Variants in FAR2 observed in about 807,000 individuals in gnomAD.
FAR2 encodes the protein fatty acyl-CoA reductase 2.
In FAR2, 19 loss-of-function variants were observed where a neutral mutation model predicts 56.0. The ratio of observed to expected loss-of-function variants is 0.34; its 90% confidence interval spans 0.24 to 0.50. The LOEUF is 0.50. FAR2 is among the 20% of genes least tolerant of loss of function. The pLI is 0.98. For missense variants in FAR2, 508 were observed against 642.2 expected (o/e 0.79, Z 2.26); for synonymous variants, 219 against 218.8 (o/e 1.00, Z -0.01).
At chr12:29,333,121 C>T (rs1404859098) in intron 11 of FAR2, 3 of 331,634 alleles carry the variant, frequency 9.0e-6, no homozygotes, top group African/African-American at 6.5e-5. Context: ...AGTCACTCCT[C>T]AATTTTTTCA....
chr12:29,166,891 T>C (rs1230667030), intron 1 of FAR2, among the ~76,000 whole-genome samples: 1 of 152,198 alleles, frequency 6.6e-6, no homozygotes, highest in African/African-American at 2.4e-5. Context: ...CCACGATCCC[T>C]GCCCCTGATA....
chr12:29,165,223 T>G (rs886212179), intron 1 of FAR2, among the ~76,000 whole-genome samples: 4 of 152,202 alleles, frequency 2.6e-5, no homozygotes, highest in African/African-American at 9.7e-5. Flanking sequence ...ACCATTCAAG[T>G]TTGCAATAGT....
At chr12:29,253,285 CTATATCTATCTAGATAGATATCTA>C (rs1443663050) in intron 1 of FAR2, among the ~76,000 whole-genome samples, 327 of 76,994 alleles carry the variant, frequency 4.2e-3, no homozygotes, top group Middle Eastern at 0.01. Context: ...ATATCGATAT[CTATATCTATCTAGATAGATATCTA>C]TATATCTATA....
At chr12:29,212,564 C>T (rs948504315) in intron 1 of FAR2, among the ~76,000 whole-genome samples, 1 of 151,956 alleles carries the variant, frequency 6.6e-6, no homozygotes, top group Non-Finnish European at 1.5e-5. Flanking sequence ...TATAGATGAC[C>T]CCCAAATTTG....
chr12:29,247,565 T>G (rs1463959003), intron 1 of FAR2, among the ~76,000 whole-genome samples: 1 of 152,206 alleles, frequency 6.6e-6, no homozygotes, highest in Non-Finnish European at 1.5e-5. Context: ...CTTCACACAT[T>G]TAAACTATTT....
At chr12:29,228,141 GAA>G (rs58453804) in intron 1 of FAR2, among the ~76,000 whole-genome samples, 22 of 138,122 alleles carry the variant, frequency 1.6e-4, no homozygotes, top group South Asian at 1.1e-3. Flanking sequence ...TAAAAAAAAG[GAA>G]AAAAAAAAAA....
chr12:29,307,628 T>C, intron 4 of FAR2, 30 bp from the exon 5 acceptor site: 1 of 1,569,148 alleles, frequency 6.4e-7, no homozygotes, highest in Non-Finnish European at 8.6e-7. Flanking sequence ...TAACATATGT[T>C]ACTAGAATTC....
At chr12:29,262,188 A>G (rs1411918952) in intron 1 of FAR2, among the ~76,000 whole-genome samples, 3 of 151,384 alleles carry the variant, frequency 2.0e-5, no homozygotes, top group African/African-American at 4.8e-5. Flanking sequence ...TAGAGTTTTT[A>G]TTAGTTTTCT....
intron 1 of FAR2, among the ~76,000 whole-genome samples, chr12:29,198,057 A>G (rs1950156698): frequency 6.6e-6 from 1 of 152,206 alleles, no homozygotes; most frequent in South Asian, 2.1e-4. Context: ...CTTTATTTAT[A>G]GCTGCGAACA....
intron 1 of FAR2, among the ~76,000 whole-genome samples, chr12:29,183,247 T>C (rs1256966644): frequency 1.3e-5 from 2 of 152,180 alleles, no homozygotes; most frequent in Non-Finnish European, 2.9e-5. Flanking sequence ...ATCCTGACAA[T>C]TCACTCTTTT....
intron 1 of FAR2, among the ~76,000 whole-genome samples, chr12:29,264,664 A>G (rs2350314): frequency 3.9e-5 from 2 of 50,964 alleles, no homozygotes; most frequent in East Asian, 5.0e-4. Flanking sequence ...AATAAAGGAG[A>G]GAGAGAGAGA....
chr12:29,191,372 C>T (rs1950101730), intron 1 of FAR2, among the ~76,000 whole-genome samples: 1 of 152,182 alleles, frequency 6.6e-6, no homozygotes, highest in African/African-American at 2.4e-5. Context: ...GGTGATTCTC[C>T]ATAAAAGTGT....
intron 6 of FAR2, among the ~76,000 whole-genome samples, chr12:29,310,426 A>G (rs6487808): frequency 0.3 from 45,682 of 152,044 alleles, 6,978 homozygotes; most frequent in East Asian, 0.35. Context: ...TCTTGCATCT[A>G]TATAACATCA....
chr12:29,319,905 TAAG>T (rs1412583449), intron 9 of FAR2, among the ~76,000 whole-genome samples: 2 of 152,206 alleles, frequency 1.3e-5, no homozygotes, highest in African/African-American at 4.8e-5. Context: ...TTTTGGGTAT[TAAG>T]AAGACCTTCT....
intron 1 of FAR2, among the ~76,000 whole-genome samples, chr12:29,267,633 G>C (rs1032359805): frequency 6.6e-6 from 1 of 152,142 alleles, no homozygotes; most frequent in Non-Finnish European, 1.5e-5. Context: ...CTAAATTCTT[G>C]AGGAAGTCAC....
chr12:29,314,092 C>A (rs1164943391), intron 8 of FAR2, among the ~76,000 whole-genome samples: 1 of 152,074 alleles, frequency 6.6e-6, no homozygotes, highest in African/African-American at 2.4e-5. Flanking sequence ...TTAAATTCTT[C>A]TTTGACCTAT....
intron 1 of FAR2, among the ~76,000 whole-genome samples, chr12:29,194,021 C>T (rs34821854): frequency 6.6e-5 from 10 of 152,252 alleles, no homozygotes; most frequent in African/African-American, 2.4e-4. Flanking sequence ...ACATGTTATT[C>T]TAAGTTATAA....
intron 2 of FAR2, among the ~76,000 whole-genome samples, chr12:29,285,002 C>A (rs6487798): frequency 6.6e-6 from 1 of 151,884 alleles, no homozygotes; most frequent in African/African-American, 2.4e-5. Flanking sequence ...CCACCACGCC[C>A]GGCTAATTTT....
At chr12:29,289,348 A>G (rs776535518) in intron 2 of FAR2, among the ~76,000 whole-genome samples, 8 of 152,212 alleles carry the variant, frequency 5.3e-5, no homozygotes, top group Non-Finnish European at 1.2e-4. Flanking sequence ...AAACAGACAC[A>G]CAGACCAATA....
Sources: allele counts gnomAD v4.1 joint callset (sites outside exome capture counted in the v4.1 genomes callset), GRCh38; gene constraint gnomAD v4.1.1; transcripts MANE v1.5; gene names NCBI Gene and HGNC (gene_info 2026-07-23, HGNC 2026-07-21).